Variants in BANP observed in about 807,000 individuals in gnomAD.
The protein encoded by BANP is protein BANP.
In BANP, 11 loss-of-function variants were observed where a neutral mutation model predicts 68.1. The observed-to-expected ratio is 0.16, with a 90% CI of 0.10 to 0.27. The LOEUF is 0.27. Among genes scored for constraint, BANP ranks in the 10% least tolerant of loss-of-function variants. BANP has a pLI of 1.00. For synonymous variants in BANP, 329 were observed against 303.2 expected (o/e 1.09, Z -0.88); for missense variants, 504 against 722.7 (o/e 0.70, Z 3.47).
intron 13 of BANP, among the ~76,000 whole-genome samples, chr16:88,075,028 A>AC (rs2091282755): frequency 6.6e-6 from 1 of 151,590 alleles, no homozygotes; most frequent in Non-Finnish European, 1.5e-5. Flanking sequence ...ACGTAGCGAG[A>AC]CCCCCATCTC....
intron 11 of BANP, among the ~76,000 whole-genome samples, chr16:88,051,605 C>G (rs1363533584): frequency 6.6e-6 from 1 of 152,188 alleles, no homozygotes; most frequent in East Asian, 1.9e-4. Flanking sequence ...GGGTGCCTTT[C>G]CCTGCCACAG....
chr16:87,983,124 T>C (rs1199994591), intron 3 of BANP, among the ~76,000 whole-genome samples: 1 of 152,214 alleles, frequency 6.6e-6, no homozygotes, highest in East Asian at 1.9e-4. Context: ...CTTTAGGTCA[T>C]GGGCAGGAAA....
rs758937392 is a variant in BANP, at chr16:87,984,215, C to T, written c.318C>T (p.Ala106=). Residue 106 remains alanine, a synonymous_variant, in exon 4 of 14, where the codon GCC becomes GCT. Coordinates refer to ENST00000682872, the MANE Select transcript of BANP (RefSeq NM_001386991.1). ...QHSPIQVPMV[A]GSPLGATQTC... The stretch of plus-strand genomic sequence containing the variant: ...GCCCCATCCAGGTCCCCATGGTGGC[C>T]GGCTCCCCTCTCGGGGCAACCCAGA... 37 of 1,606,812 alleles carry T rather than the reference C, an allele frequency of 2.3e-5. No homozygotes were observed. Among genetic ancestry groups the T allele is most frequent in the African/African-American group, 4.0e-5 (3 of 74,634 alleles).
At chr16:87,972,084 T>A (rs1675214655) in intron 1 of BANP, among the ~76,000 whole-genome samples, 1 of 152,250 alleles carries the variant, frequency 6.6e-6, no homozygotes, top group South Asian at 2.1e-4. Context: ...TGAGCCACTG[T>A]GCCTGGCCAG....
intron 7 of BANP, among the ~76,000 whole-genome samples, chr16:88,024,392 T>A (rs35416641): frequency 0.24 from 36,014 of 151,666 alleles, 4,922 homozygotes; most frequent in East Asian, 0.56. Context: ...ATGAGGCTTT[T>A]AAAAAAAAAT....
chr16:88,022,019 T>G (rs1379162743), intron 7 of BANP, among the ~76,000 whole-genome samples: 1 of 152,100 alleles, frequency 6.6e-6, no homozygotes, highest in Non-Finnish European at 1.5e-5. Flanking sequence ...AATTTGCTTT[T>G]TGGGGTGTTG....
At chr16:88,017,940 G>C (rs1216136646) in intron 6 of BANP, among the ~76,000 whole-genome samples, 2 of 152,178 alleles carry the variant, frequency 1.3e-5, no homozygotes, top group Non-Finnish European at 2.9e-5. Context: ...TGTGTGCACG[G>C]GGGCGACGCC....
chr16:88,007,802 G>C (rs1197475707), intron 6 of BANP, among the ~76,000 whole-genome samples: 1 of 151,762 alleles, frequency 6.6e-6, no homozygotes, highest in Non-Finnish European at 1.5e-5. Context: ...CAAATTGCTA[G>C]GATTCAGATG....
intron 2 of BANP, chr16:87,980,570 T>G (rs60414364): frequency 0.011 from 1,908 of 174,834 alleles, 37 homozygotes; most frequent in African/African-American, 0.043. Context: ...CTGTTTTGAT[T>G]ATCAGCACCT....
rs545599103 is a variant in BANP at position 88,037,575 on chromosome 16, G to A, written c.1273-398G>A. 13 of 206,750 alleles carry A rather than the reference G, an allele frequency of 6.3e-5. No individual in the cohort carries two copies. In the East Asian group the frequency reaches 7.2e-4, roughly 12 times the overall value. The allele number at this position is 206,750 out of a possible 1,614,324, so 12.8% of individuals were successfully genotyped here. ...CCTTGCGTGCAGCCCGTGACCTGGC[G>A]TGGTGATGCCGCACAGCTCAGCAAG... is the stretch of plus-strand genomic sequence containing the variant. On this transcript the variant is annotated intron_variant, in intron 10 of 13. Transcript: ENST00000682872.
Position 88,057,190 on chromosome 16 carries a change from C to T in BANP, c.1312-8077C>T, listed in dbSNP as rs532523429. Among the ~76,000 whole-genome samples the T allele has an allele frequency of 3.3e-5, 5 of 152,126 alleles. No individual in the cohort carries two copies. Among genetic ancestry groups the T allele is most frequent in the African/African-American group, 4.8e-5 (2 of 41,408 alleles). ...GGGCCTGCCGTGTTGTGGTGGGGAG[C>T]GACTTCACACAGCTGGCACGGGATG... On this transcript the variant is annotated intron_variant, in intron 11 of 13. Transcript: ENST00000682872. This position sits in a 1 kb window ranked among gnomAD's most constrained non-coding sequence, Gnocchi z 4.6.
intron 6 of BANP, among the ~76,000 whole-genome samples, chr16:88,012,096 C>A (rs1395265910): frequency 6.6e-6 from 1 of 152,210 alleles, no homozygotes; most frequent in African/African-American, 2.4e-5. Flanking sequence ...ATGTCTCATG[C>A]GTTCCACATA....
intron 13 of BANP, among the ~76,000 whole-genome samples, chr16:88,073,546 G>A (rs1055919327): frequency 1.4e-5 from 2 of 143,748 alleles, no homozygotes; most frequent in Non-Finnish European, 3.1e-5. Flanking sequence ...CGCACAGGCA[G>A]TGAGGAGCGG....
chr16:88,014,667 C>T (rs1424660636), intron 6 of BANP, among the ~76,000 whole-genome samples: 1 of 151,890 alleles, frequency 6.6e-6, no homozygotes, highest in Non-Finnish European at 1.5e-5. Context: ...GAGCCCCTGC[C>T]CACCGTCCCC....
intron 1 of BANP, among the ~76,000 whole-genome samples, chr16:87,962,129 A>G (rs1597776639): frequency 6.6e-6 from 1 of 151,018 alleles, no homozygotes; most frequent in Non-Finnish European, 1.5e-5. Flanking sequence ...AATCCCAGCT[A>G]CTCTGGAGGC....
rs200806890 is a variant in BANP at position 88,064,893 on chromosome 16, AAC to A, written c.1312-371_1312-370del. Among the ~76,000 whole-genome samples, 564 of 152,338 alleles carry A rather than the reference AAC, an allele frequency of 3.7e-3. 8 individuals are homozygous for A. Among genetic ancestry groups the A allele is most frequent in the Admixed American group, 0.031 (472 of 15,298 alleles). ...GCTAGAGCCCAGTGGCCTCCAGGGG[AAC>A]ACGAGTCATAGAGGACATTTCATTT... On this transcript the variant is annotated intron_variant, in intron 11 of 13. Transcript: ENST00000682872. The surrounding 1 kb of genome is among the most constrained non-coding windows in gnomAD (Gnocchi z 4.5).
chr16:87,984,950 C>T (rs1436052881), intron 4 of BANP, among the ~76,000 whole-genome samples: 2 of 152,188 alleles, frequency 1.3e-5, no homozygotes, highest in Non-Finnish European at 2.9e-5. Context: ...TTTGACTGAG[C>T]GCTACTCACT....
intron 4 of BANP, among the ~76,000 whole-genome samples, chr16:87,994,477 A>G (rs1349936483): frequency 1.3e-5 from 2 of 152,254 alleles, no homozygotes; most frequent in Non-Finnish European, 2.9e-5. Context: ...ACGAGGTTTT[A>G]AAGTTTGTTA....
intron 8 of BANP, among the ~76,000 whole-genome samples, chr16:88,028,084 C>T (rs1278586956): frequency 6.6e-6 from 1 of 152,256 alleles, no homozygotes; most frequent in Non-Finnish European, 1.5e-5. Context: ...GGAAACAGTT[C>T]TCTTTGAGTT....
Sources: gnomAD v4.1 joint callset for allele counts (sites outside exome capture counted in the v4.1 genomes callset) on GRCh38, gnomAD v4.1.1 for gene constraint, Gnocchi (gnomAD v3.1) non-coding constraint, MANE v1.5 for transcripts, NCBI Gene and HGNC (gene_info 2026-07-23, HGNC 2026-07-21) for gene names.